Variants in SPATS1 observed in about 807,000 individuals in gnomAD.
SPATS1 encodes the protein spermatogenesis associated serine rich 1.
SPATS1 carries 23 observed loss-of-function variants against 33.6 expected under a neutral mutation model. The observed-to-expected ratio is 0.68, with a 90% confidence interval of 0.49 to 0.97. The LOEUF (loss-of-function observed/expected upper bound fraction) is 0.97, where lower values mean the gene tolerates loss of function less well. Ranked by LOEUF, SPATS1 falls within the 50% of genes least tolerant of loss-of-function variation. The pLI is 0.00. For missense variants in SPATS1, 327 were observed against 361.0 expected, an observed-to-expected ratio of 0.91 and a Z score of 0.76; for synonymous variants, 131 against 125.6, an observed-to-expected ratio of 1.04 and a Z score of -0.29.
At position 44,361,864 on chromosome 6, in the gene SPATS1, C is replaced by G. The variant is rs934679885; in HGVS notation, c.446C>G (p.Pro149Arg). The stretch of plus-strand genomic sequence containing the variant: ...CATCGTCCTGAGTGGACATTTTACC[C>G]AAGGTTTAGCAGCAACATCCACACC... Reference protein sequence around the residue: ...DGHRPEWTFYPRFSSNIHTYH... With the variant: ...DGHRPEWTFYRRFSSNIHTYH... Residue 149 changes from proline to arginine, a missense_variant, in exon 5 of 9, where the codon CCA becomes CGA. Physicochemically the swap from Pro to Arg is moderately radical, Grantham distance 103. Transcript: ENST00000674044. 1.2e-6 allele frequency: 2 copies of G among 1,614,202 alleles called. No individual in the cohort carries two copies. The highest frequency in any genetic ancestry group is 1.7e-6 in the Non-Finnish European group (2 of 1,180,042).
intron 2 of SPATS1, among the ~76,000 whole-genome samples, chr6:44,350,712 C>A (rs1788180033): frequency 6.6e-6 from 1 of 152,192 alleles, no homozygotes; most frequent in Admixed American, 6.5e-5. Context: ...ATAAAAAATT[C>A]TCTGAGTAGC....
At position 44,370,120 on chromosome 6, in the gene SPATS1, TC is replaced by T. The variant is rs778787769; in HGVS notation, c.758+8del. 6.2e-7 allele frequency: 1 copy of T among 1,607,800 alleles called. No individual in the cohort carries two copies. Among genetic ancestry groups the T allele is most frequent in the African/African-American group, 1.3e-5 (1 of 74,804 alleles). On this transcript the variant is annotated splice_region_variant and intron_variant, in intron 7 of 8. Coordinates refer to ENST00000674044, the MANE Select transcript of SPATS1 (RefSeq NM_001372081.1). The stretch of plus-strand genomic sequence containing the variant: ...CTCTTCCACAAATTCCCAAGTGAGT[TC>T]TCTTGTCATGTTTTGTGTTATCCCA...
chr6:44,370,474 T>C (rs1052501773), intron 7 of SPATS1, among the ~76,000 whole-genome samples: 2 of 152,196 alleles, frequency 1.3e-5, no homozygotes, highest in African/African-American at 4.8e-5. Context: ...CGAGAATGGT[T>C]AGAGTTTCAA....
intron 5 of SPATS1, among the ~76,000 whole-genome samples, chr6:44,366,194 G>A (rs1049761212): frequency 1.6e-4 from 24 of 150,546 alleles, no homozygotes; most frequent in East Asian, 3.9e-4. Context: ...GTGCGATCTC[G>A]GCTCACTGCA....
intron 7 of SPATS1, 113 bp from the exon 8 acceptor site, chr6:44,376,245 G>C (rs973670261): frequency 3.2e-6 from 2 of 628,078 alleles, no homozygotes; most frequent in Non-Finnish European, 5.6e-6. Flanking sequence ...TTTGAAGCTG[G>C]TCTCCTAAAT....
chr6:44,344,885 G>C (rs1224877127), intron 2 of SPATS1, among the ~76,000 whole-genome samples: 3 of 151,916 alleles, frequency 2.0e-5, no homozygotes, highest in Admixed American at 6.6e-5. Flanking sequence ...CTGACTTCTG[G>C]CTTACTTGAC....
Position 44,377,413 on chromosome 6 carries a change from A to G in SPATS1, c.*350A>G, listed in dbSNP as rs1469833971. 1 of 265,716 alleles carries G rather than the reference A, an allele frequency of 3.8e-6. No individual in the cohort carries two copies. The highest frequency in any genetic ancestry group is 2.2e-5 in the African/African-American group (1 of 45,120). 16.5% of individuals were successfully genotyped at this position (265,716 alleles called of 1,614,324 possible). ...TGTATACCTACATACCTCAGCATGT[A>G]TCTTCTAAGGTCAAGGATGTTGTCT... On this transcript the variant is annotated 3_prime_UTR_variant, in exon 9 of 9. Coordinates refer to ENST00000674044, the MANE Select transcript of SPATS1 (RefSeq NM_001372081.1).
chr6:44,366,820 T>C (rs1000446251), intron 5 of SPATS1, among the ~76,000 whole-genome samples: 7 of 152,234 alleles, frequency 4.6e-5, no homozygotes, highest in African/African-American at 1.7e-4. Flanking sequence ...GTGCTTGTTA[T>C]ATGCTCACAT....
intron 4 of SPATS1, 122 bp from the exon 5 acceptor site, chr6:44,361,709 A>G: frequency 7.4e-7 from 1 of 1,345,488 alleles, no homozygotes; most frequent in Non-Finnish European, 1.0e-6. Context: ...CCAAGGGATT[A>G]TACACATTAA....
At chr6:44,363,348 T>C (rs930751239) in intron 5 of SPATS1, among the ~76,000 whole-genome samples, 3 of 152,294 alleles carry the variant, frequency 2.0e-5, no homozygotes, top group East Asian at 1.9e-4. Context: ...TTTCTCCATG[T>C]TGCCCAGGCC....
At chr6:44,368,318 C>G in intron 5 of SPATS1, 61 bp from the exon 6 acceptor site, 9 of 1,561,348 alleles carry the variant, frequency 5.8e-6, no homozygotes, top group East Asian at 4.5e-5. Flanking sequence ...CCAATACTTA[C>G]AGCAAATCTG....
At chr6:44,364,785 T>C (rs1466683763) in intron 5 of SPATS1, among the ~76,000 whole-genome samples, 2 of 146,622 alleles carry the variant, frequency 1.4e-5, no homozygotes, top group African/African-American at 2.7e-5. Context: ...CTTCTTTTCT[T>C]TTCTCTTTCT....
intron 2 of SPATS1, among the ~76,000 whole-genome samples, chr6:44,347,419 T>C (rs1322188029): frequency 6.6e-6 from 1 of 152,192 alleles, no homozygotes; most frequent in African/African-American, 2.4e-5. Flanking sequence ...TTTTTCTTTC[T>C]ATCATGTTGT....
intron 7 of SPATS1, among the ~76,000 whole-genome samples, chr6:44,372,947 A>G (rs1356607956): frequency 6.6e-6 from 1 of 152,204 alleles, no homozygotes; most frequent in Non-Finnish European, 1.5e-5. Flanking sequence ...TTGAGTGATC[A>G]GTGAGGAGTC....
chr6:44,348,257 C>G (rs966506056), intron 2 of SPATS1, among the ~76,000 whole-genome samples: 1 of 152,070 alleles, frequency 6.6e-6, no homozygotes, highest in African/African-American at 2.4e-5. Context: ...GATCCACCTG[C>G]CTTGGCCTCC....
intron 2 of SPATS1, among the ~76,000 whole-genome samples, chr6:44,346,902 T>G (rs981713471): frequency 2.6e-5 from 4 of 152,190 alleles, no homozygotes; most frequent in Non-Finnish European, 5.9e-5. Context: ...TATAAATCAT[T>G]CTACTGTAAA....
chr6:44,375,385 G>A (rs1234657623), intron 7 of SPATS1, among the ~76,000 whole-genome samples: 1 of 152,206 alleles, frequency 6.6e-6, no homozygotes, highest in Non-Finnish European at 1.5e-5. Context: ...CTGCCCAACA[G>A]GAGCTGTGGC....
At chr6:44,361,781 A>T in intron 4 of SPATS1, 50 bp from the exon 5 acceptor site, 2 of 1,610,998 alleles carry the variant, frequency 1.2e-6, no homozygotes, top group South Asian at 1.1e-5. Flanking sequence ...ATCCAGTTGC[A>T]TTATGAGGCT....
At chr6:44,344,390 C>CGTGTGTGT (rs70993448) in intron 2 of SPATS1, among the ~76,000 whole-genome samples, 2,514 of 145,554 alleles carry the variant, frequency 0.017, 85 homozygotes, top group East Asian at 0.12. Context: ...ATTGAAGATA[C>CGTGTGTGT]GTGTGTGTGT....
Sources: allele counts gnomAD v4.1 joint callset (sites outside exome capture counted in the v4.1 genomes callset), GRCh38; gene constraint gnomAD v4.1.1; transcripts MANE v1.5; gene names NCBI Gene and HGNC (gene_info 2026-07-23, HGNC 2026-07-21).